Variants in RIMS4 observed in about 807,000 individuals in gnomAD.
RIMS4 encodes regulating synaptic membrane exocytosis 4, also known as regulating synaptic membrane exocytosis protein 4.
Under a neutral mutation model 29.0 loss-of-function variants are expected in RIMS4, and 9 were observed. The ratio of observed to expected loss-of-function variants is 0.31; its 90% CI spans 0.19 to 0.54. The LOEUF (loss-of-function observed/expected upper bound fraction) is 0.54, where lower values mean the gene tolerates loss of function less well. Among genes scored for constraint, RIMS4 ranks in the 20% least tolerant of loss-of-function variants. The pLI is 0.94. For missense variants in RIMS4, 193 were observed against 365.7 expected, an observed-to-expected ratio of 0.53 and a Z score of 3.85; for synonymous variants, 130 against 152.9, an observed-to-expected ratio of 0.85 and a Z score of 1.10.
chr20:44,795,675 T>C, intron 1 of RIMS4, among the ~76,000 whole-genome samples: 1 of 148,144 alleles, frequency 6.8e-6, no homozygotes, highest in East Asian at 2.0e-4. Context: ...CCTCACAGAG[T>C]AGTTTTGGGG....
intron 1 of RIMS4, among the ~76,000 whole-genome samples, chr20:44,802,031 C>A (rs370534182): frequency 6.6e-6 from 1 of 152,248 alleles, no homozygotes; most frequent in South Asian, 2.1e-4. Context: ...CCCTCCTGCC[C>A]CCAAACTAAA....
chr20:44,757,976 G>T, intron 3 of RIMS4, 96 bp downstream of exon 3: 1 of 1,044,366 alleles, frequency 9.6e-7, no homozygotes, highest in Non-Finnish European at 1.4e-6. Flanking sequence ...GCAGAGGATG[G>T]ATCAACAGGC....
Position 44,762,871 on chromosome 20 carries a change from G to A in RIMS4, c.237-4687C>T, listed in dbSNP as rs541059834. On this transcript the variant is annotated intron_variant, in intron 2 of 5. Transcript: ENST00000372851. The stretch of plus-strand genomic sequence containing the variant: ...TCTACAACTCACTAGCCAACTGCTT[G>A]CTGTGTGACCTCTGACAAGTTGTTA... Among the ~76,000 whole-genome samples, 29 of 152,316 alleles carry A rather than the reference G, an allele frequency of 1.9e-4. No individual in the cohort carries two copies. The South Asian group carries it at 5.6e-3, about 29-fold the overall frequency.
rs182042047 is a variant in RIMS4, at chr20:44,787,223, A to T, written c.98-15810T>A. 4.1e-3 allele frequency among the ~76,000 whole-genome samples: 626 copies of T among 152,162 alleles called. 2 individuals are homozygous for T. Among genetic ancestry groups the T allele is most frequent in the African/African-American group, 0.015 (602 of 41,504 alleles). The stretch of plus-strand genomic sequence containing the variant: ...GGAGTGGTGTGAGATGAGGTTTGAG[A>T]TGATGGGGCAGGAGGAGAGGGCAGA... On this transcript the variant is annotated intron_variant, in intron 1 of 5. Coordinates refer to ENST00000372851, the MANE Select transcript of RIMS4 (RefSeq NM_182970.4).
intron 4 of RIMS4, 141 bp downstream of exon 4, chr20:44,757,529 C>G (rs1485513613): frequency 5.9e-6 from 4 of 676,852 alleles, no homozygotes; most frequent in Non-Finnish European, 1.1e-5. Context: ...CCTAAACTAC[C>G]AATTCCACAT....
chr20:44,756,796 C>T lies in RIMS4; in HGVS notation c.591+102G>A. 1 of 1,222,896 alleles carries T rather than the reference C, an allele frequency of 8.2e-7. No individual in the cohort carries two copies. The highest frequency in any genetic ancestry group is 1.1e-6 in the Non-Finnish European group (1 of 893,916). 75.8% of individuals were successfully genotyped at this position (1,222,896 alleles called of 1,614,324 possible). On this transcript the variant is annotated intron_variant, in intron 5 of 5. Transcript: ENST00000372851. The surrounding 1 kb of genome is among the most constrained non-coding windows in gnomAD (Gnocchi z 5.9). ...CTCGCCTGTTTCCTCCAGGCGAGGC[C>T]CTCCAGAGACACCCCCCGCCAGGGG...
intron 1 of RIMS4, among the ~76,000 whole-genome samples, chr20:44,778,989 T>C (rs571260072): frequency 5.3e-5 from 8 of 152,276 alleles, no homozygotes; most frequent in Admixed American, 2.6e-4. Flanking sequence ...GAACACACCA[T>C]CCCTTTGATT....
intron 2 of RIMS4, among the ~76,000 whole-genome samples, chr20:44,759,005 T>C (rs1418040418): frequency 6.6e-6 from 1 of 152,228 alleles, no homozygotes; most frequent in Non-Finnish European, 1.5e-5. Context: ...GATAATTTTA[T>C]TATTTTGCCT....
chr20:44,795,609 G>A (rs1392474842), intron 1 of RIMS4, among the ~76,000 whole-genome samples: 2 of 151,936 alleles, frequency 1.3e-5, no homozygotes, highest in African/African-American at 4.8e-5. Flanking sequence ...TCCAGCCTGG[G>A]AGACAGAGCG....
intron 1 of RIMS4, among the ~76,000 whole-genome samples, chr20:44,785,911 T>C (rs1019573681): frequency 6.6e-6 from 1 of 152,136 alleles, no homozygotes; most frequent in African/African-American, 2.4e-5. Flanking sequence ...ATTGGTGTTG[T>C]CTGCCAAGAT....
intron 1 of RIMS4, among the ~76,000 whole-genome samples, chr20:44,803,622 T>A (rs2066286027): frequency 6.7e-6 from 1 of 148,408 alleles, no homozygotes; most frequent in South Asian, 2.3e-4. Context: ...GGCGCTGACA[T>A]CAGCCTCCTC....
chr20:44,775,788 A>T (rs1050886293), intron 1 of RIMS4, among the ~76,000 whole-genome samples: 35 of 152,206 alleles, frequency 2.3e-4, no homozygotes, highest in Non-Finnish European at 1.0e-4. Context: ...AAAGTTCAAA[A>T]ATCTTCACAC....
chr20:44,767,581 C>T (rs1178631158), intron 2 of RIMS4, among the ~76,000 whole-genome samples: 1 of 152,160 alleles, frequency 6.6e-6, no homozygotes, highest in Non-Finnish European at 1.5e-5. Context: ...TTAATAAATG[C>T]AACCATTAAA....
intron 2 of RIMS4, 100 bp downstream of exon 2, chr20:44,771,175 C>A: frequency 7.2e-7 from 1 of 1,398,212 alleles, no homozygotes; most frequent in East Asian, 2.6e-5. Flanking sequence ...CTTTCACAGC[C>A]TGGAGCTGCC....
intron 1 of RIMS4, among the ~76,000 whole-genome samples, chr20:44,791,185 G>A (rs1022143812): frequency 2.0e-5 from 3 of 152,240 alleles, no homozygotes; most frequent in Non-Finnish European, 4.4e-5. Context: ...GCACGCGCAC[G>A]CGCACACACC....
chr20:44,769,857 A>G (rs1286628964), intron 2 of RIMS4, among the ~76,000 whole-genome samples: 3 of 152,206 alleles, frequency 2.0e-5, no homozygotes, highest in Non-Finnish European at 4.4e-5. Flanking sequence ...GCCAAGCCCC[A>G]GCCCCACCTC....
intron 1 of RIMS4, among the ~76,000 whole-genome samples, chr20:44,788,171 A>G (rs1360700913): frequency 6.6e-6 from 1 of 152,210 alleles, no homozygotes; most frequent in Non-Finnish European, 1.5e-5. Flanking sequence ...AGGGGAAGAA[A>G]CTTGCTCAAG....
intron 1 of RIMS4, among the ~76,000 whole-genome samples, chr20:44,785,638 G>C (rs2066204833): frequency 6.6e-6 from 1 of 152,106 alleles, no homozygotes; most frequent in Non-Finnish European, 1.5e-5. Context: ...TCTTGTCCCA[G>C]CTCCACTACT....
chr20:44,773,538 C>A (rs552826202), intron 1 of RIMS4, among the ~76,000 whole-genome samples: 1 of 152,132 alleles, frequency 6.6e-6, no homozygotes, highest in South Asian at 2.1e-4. Flanking sequence ...ACTGGGCACC[C>A]TGCAGGCAGG....
Sources: gnomAD v4.1 joint callset for allele counts (sites outside exome capture counted in the v4.1 genomes callset) on GRCh38, gnomAD v4.1.1 for gene constraint, Gnocchi (gnomAD v3.1) non-coding constraint, MANE v1.5 for transcripts, NCBI Gene and HGNC (gene_info 2026-07-23, HGNC 2026-07-21) for gene names.